The following HELZ variants were observed in gnomAD, a reference collection of about 807,000 sequenced individuals.
The protein encoded by HELZ is ATP-dependent RNA helicase with zinc finger domain.
In HELZ, 23 loss-of-function variants were observed where a neutral mutation model predicts 218.2. That is an observed-to-expected ratio of 0.11 (90% CI 0.08 to 0.15). The LOEUF is 0.15. Ranked by LOEUF, HELZ falls within the 10% of genes least tolerant of loss-of-function variation. The pLI is 1.00. For missense variants in HELZ, 1,813 were observed against 2,353.7 expected, an observed-to-expected ratio of 0.77 and a Z score of 4.75; for synonymous variants, 814 against 829.4, an observed-to-expected ratio of 0.98 and a Z score of 0.32.
At chr17:67,210,741 G>A (rs982755222) in intron 5 of HELZ, among the ~76,000 whole-genome samples, 3 of 152,046 alleles carry the variant, frequency 2.0e-5, no homozygotes, top group African/African-American at 7.2e-5. Context: ...GGCCAACATG[G>A]TGAAACCCTG....
intron 10 of HELZ, 27 bp from the exon 11 acceptor site, chr17:67,189,723 T>C (rs1437186918): frequency 7.2e-7 from 1 of 1,391,344 alleles, no homozygotes; most frequent in Non-Finnish European, 1.0e-6. Flanking sequence ...ATTTATGTTA[T>C]GTTTTTATTG....
chr17:67,220,734 C>T (rs1360895137), intron 3 of HELZ, among the ~76,000 whole-genome samples: 5 of 152,022 alleles, frequency 3.3e-5, no homozygotes, highest in African/African-American at 9.7e-5. Context: ...TCAAGCTGTC[C>T]TCCCGCTTCA....
chr17:67,193,900 A>C, intron 9 of HELZ, 67 bp downstream of exon 9: 1 of 1,172,968 alleles, frequency 8.5e-7, no homozygotes, highest in South Asian at 1.3e-5. Flanking sequence ...ACTCCATTAG[A>C]TAAGGAAAAT....
Position 67,151,386 on chromosome 17 carries a change from T to C in HELZ, c.2178-162A>G, listed in dbSNP as rs111651632. Among the ~76,000 whole-genome samples, 3 of 152,292 alleles carry C rather than the reference T, an allele frequency of 2.0e-5. 1 individual carries two copies. Among genetic ancestry groups the C allele is most frequent in the African/African-American group, 7.2e-5 (3 of 41,554 alleles). On this transcript the variant is annotated intron_variant, in intron 17 of 32. Coordinates refer to ENST00000358691, the MANE Select transcript of HELZ (RefSeq NM_014877.4). ...TATTGAATTAGAATTTAACACACAA[T>C]TGCCACTATAACCACTGTGACTCTC...
intron 21 of HELZ, among the ~76,000 whole-genome samples, chr17:67,142,574 A>G (rs2038362103): frequency 6.6e-6 from 1 of 152,136 alleles, no homozygotes; most frequent in African/African-American, 2.4e-5. Flanking sequence ...ATCCAATAAT[A>G]TGCTGTCTAT....
chr17:67,117,513 C>T (rs1420350438), intron 27 of HELZ, among the ~76,000 whole-genome samples: 2 of 151,338 alleles, frequency 1.3e-5, no homozygotes, highest in Admixed American at 6.6e-5. Context: ...TAAGCTTTCA[C>T]TTTAACAAAA....
In HELZ at chr17:67,076,677, C is replaced by T. The variant is rs903759655; in HGVS notation, c.*1575G>A. The T allele has an allele frequency of 2.0e-5, 3 of 152,202 alleles. No individual in the cohort carries two copies. The highest frequency in any genetic ancestry group is 4.4e-5 in the Non-Finnish European group (3 of 68,028). The allele number at this position is 152,202 out of a possible 1,614,324, so 9.4% of individuals were successfully genotyped here. ...TTGTAGCTGGCCAACATAAACTAAA[C>T]TCCAATCATAGAAGAAATGTCAGTA... On this transcript the variant is annotated 3_prime_UTR_variant, in exon 33 of 33. Coordinates refer to ENST00000358691, the MANE Select transcript of HELZ (RefSeq NM_014877.4).
At position 67,107,470 on chromosome 17, in the gene HELZ, G is replaced by A. The variant is rs186003224; in HGVS notation, c.4940C>T (p.Pro1647Leu). 1,001 of 1,614,186 alleles carry A rather than the reference G, an allele frequency of 6.2e-4. 3 individuals carry two copies. The highest frequency in any genetic ancestry group is 4.9e-4 in the Non-Finnish European group (580 of 1,180,038). The change falls in exon 31 of 33, where the codon CCA becomes CTA. Residue 1647 changes from proline (P) to leucine (L), a missense_variant. By Grantham distance (98) the Pro-to-Leu change is moderately conservative. Transcript: ENST00000358691. ...NSRDIEVASN[P>L]AFPQRLPPQI... ...GGGTGGGAGGCGCTGTGGAAATGCT[G>A]GGTTGCTGGCTACTTCAATGTCTCT...
chr17:67,137,942 A>T lies in HELZ; in HGVS notation c.2942T>A (p.Leu981Gln). The T allele has an allele frequency of 1.2e-6, 2 of 1,608,672 alleles. No homozygotes were observed. Among genetic ancestry groups the T allele is most frequent in the Non-Finnish European group, 1.7e-6 (2 of 1,176,806 alleles). The change falls in exon 22 of 33, where the codon CTA becomes CAA. Residue 981 changes from leucine (L) to glutamine (Q), a missense_variant. Around this residue, in one of 4 missense-constraint regions of HELZ, gnomAD observed 156 missense variants for 274.4 expected, o/e 0.57. Coordinates refer to ENST00000358691, the MANE Select transcript of HELZ (RefSeq NM_014877.4). ...RLSDVNVERVLNVQGKQFRVL... is the reference protein window; with the variant it reads ...RLSDVNVERVQNVQGKQFRVL... ...CAATTGACACTTACCTTGAACATTTAGCACCCTTTCTACATTAACATCAGA... is the reference window on the plus strand; with the variant it reads ...CAATTGACACTTACCTTGAACATTTTGCACCCTTTCTACATTAACATCAGA...
intron 5 of HELZ, among the ~76,000 whole-genome samples, chr17:67,214,874 G>A (rs566317331): frequency 2.4e-3 from 363 of 152,212 alleles, no homozygotes; most frequent in Middle Eastern, 0.017. Flanking sequence ...GACCAGGTGC[G>A]GTGGCTCATG....
intron 26 of HELZ, among the ~76,000 whole-genome samples, chr17:67,122,195 G>A (rs1358168190): frequency 6.6e-6 from 1 of 152,100 alleles, no homozygotes; most frequent in Non-Finnish European, 1.5e-5. Flanking sequence ...CTGAGGTCAG[G>A]AGTTTGAGAC....
At chr17:67,201,095 A>T (rs1340165018) in intron 7 of HELZ, 34 bp downstream of exon 7, 3 of 1,461,500 alleles carry the variant, frequency 2.1e-6, no homozygotes, top group African/African-American at 1.4e-5. Context: ...ATTGAGTCAA[A>T]CTCTTCCAAA....
intron 17 of HELZ, among the ~76,000 whole-genome samples, chr17:67,152,951 T>C (rs1444861120): frequency 1.3e-5 from 2 of 152,094 alleles, no homozygotes; most frequent in African/African-American, 4.8e-5. Flanking sequence ...CTGTGTTAAA[T>C]GCTGCTAAGA....
At chr17:67,130,073 G>A (rs1244793447) in intron 23 of HELZ, among the ~76,000 whole-genome samples, 1 of 152,120 alleles carries the variant, frequency 6.6e-6, no homozygotes, top group African/African-American at 2.4e-5. Context: ...AAACTTTGCA[G>A]AGTTTAATTC....
chr17:67,084,580 G>A (rs1354344055), intron 32 of HELZ, among the ~76,000 whole-genome samples: 5 of 151,272 alleles, frequency 3.3e-5, no homozygotes, highest in South Asian at 2.1e-4. Flanking sequence ...GAAGAATGAC[G>A]TGAACCCGGG....
chr17:67,204,489 A>G (rs1371676479), intron 5 of HELZ, among the ~76,000 whole-genome samples: 1 of 152,114 alleles, frequency 6.6e-6, no homozygotes. Flanking sequence ...AGTATTTTCC[A>G]TGTGATCAGA....
At chr17:67,189,094 A>G (rs540382172) in intron 11 of HELZ, among the ~76,000 whole-genome samples, 1 of 152,222 alleles carries the variant, frequency 6.6e-6, no homozygotes, top group Non-Finnish European at 1.5e-5. Context: ...ATACTCACAG[A>G]AACTTTTTAC....
At chr17:67,099,686 A>G (rs1158825634) in intron 31 of HELZ, among the ~76,000 whole-genome samples, 1 of 152,172 alleles carries the variant, frequency 6.6e-6, no homozygotes, top group Non-Finnish European at 1.5e-5. Flanking sequence ...TATAAGATAT[A>G]CCTCTAATAT....
chr17:67,175,587 CTCTA>C (rs1295321574), intron 13 of HELZ, among the ~76,000 whole-genome samples: 7 of 152,160 alleles, frequency 4.6e-5, no homozygotes, highest in South Asian at 2.1e-4. Context: ...ATTCTGAGAA[CTCTA>C]TCTAATTATT....
Sources: allele counts gnomAD v4.1 joint callset (sites outside exome capture counted in the v4.1 genomes callset), GRCh38; gene constraint gnomAD v4.1.1; regional missense constraint gnomAD v4.1.1; transcripts MANE v1.5; gene names NCBI Gene and HGNC (gene_info 2026-07-23, HGNC 2026-07-21).